DNAJB1: variants seen among roughly 807,000 people sequenced by gnomAD.
DNAJB1 encodes DnaJ heat shock protein family (Hsp40) member B1.
DNAJB1 carries 14 observed loss-of-function variants against 24.0 expected under a neutral mutation model. The observed-to-expected ratio is 0.58, with a 90% CI of 0.39 to 0.91. The LOEUF is 0.91. Ranked by LOEUF, DNAJB1 falls within the 40% of genes least tolerant of loss-of-function variation. The pLI is 0.00. For missense variants in DNAJB1, 517 were observed against 458.1 expected, an observed-to-expected ratio of 1.13 and a Z score of -1.17; for synonymous variants, 262 against 174.4, an observed-to-expected ratio of 1.50 and a Z score of -3.96.
At chr19:14,542,354 T>G (rs1174038972) in intron 1 of DNAJB1, among the ~76,000 whole-genome samples, 3 of 116,324 alleles carry the variant, frequency 2.6e-5, no homozygotes, top group African/African-American at 3.6e-5. Context: ...AGTGTTTTTT[T>G]TTTTTTTTTT....
At chr19:14,552,323 C>T (rs535168671), upstream of DNAJB1, among the ~76,000 whole-genome samples, 6 of 151,588 alleles carry the variant, frequency 4.0e-5, no homozygotes, top group African/African-American at 9.7e-5. Context: ...CGTGAGCCAC[C>T]GTGCCCGGCC....
intron 1 of DNAJB1, among the ~76,000 whole-genome samples, chr19:14,538,339 G>A (rs1002370097): frequency 3.9e-5 from 6 of 152,054 alleles, no homozygotes; most frequent in South Asian, 2.1e-4. Flanking sequence ...CACCCTGTGA[G>A]GCCAGGATAA....
intron 1 of DNAJB1, among the ~76,000 whole-genome samples, chr19:14,543,420 T>TATATATA (rs1491174243): frequency 1.8e-4 from 1 of 5,522 alleles, no homozygotes; most frequent in African/African-American, 5.0e-4. Context: ...TATATATATA[T>TATATATA]TTTTTTTTTT....
At chr19:14,521,105 G>A (rs1202016986), upstream of DNAJB1, among the ~76,000 whole-genome samples, 5 of 152,154 alleles carry the variant, frequency 3.3e-5, no homozygotes, top group Non-Finnish European at 1.5e-5. Context: ...AATTACAAGT[G>A]CAGCAGCCTC....
intron 1 of DNAJB1, among the ~76,000 whole-genome samples, chr19:14,546,896 G>C (rs1197283978): frequency 1.3e-5 from 2 of 152,136 alleles, no homozygotes; most frequent in Non-Finnish European, 2.9e-5. Context: ...CACTATGTTG[G>C]CCAGGCTGGT....
Position 14,516,027 on chromosome 19 carries a change from C to G in DNAJB1, c.936G>C (p.Gly312=). The stretch of plus-strand genomic sequence containing the variant: ...TCACTTCAAACTCAATAATGAGGTC[C>G]CCACGTTTCTCGGGTGTTTTGGGGA... The part of the protein sequence containing the change: ...LPLPKTPEKR[G]DLIIEFEVIF... Residue 312 remains glycine (G), a synonymous_variant, in exon 3 of 3, where the codon GGG becomes GGC. Coordinates refer to ENST00000254322, the MANE Select transcript of DNAJB1 (RefSeq NM_006145.3). The G allele has an allele frequency of 6.2e-7, 1 of 1,612,940 alleles. No homozygotes were observed. The highest frequency in any genetic ancestry group is 8.5e-7 in the Non-Finnish European group (1 of 1,179,606).
chr19:14,547,667 T>G (rs1400503032), intron 1 of DNAJB1, among the ~76,000 whole-genome samples: 2 of 151,392 alleles, frequency 1.3e-5, no homozygotes, highest in Non-Finnish European at 2.9e-5. Flanking sequence ...TAATATTTTT[T>G]TTTTTTTTTG....
chr19:14,545,783 C>T (rs986298148), intron 1 of DNAJB1: 1 of 153,246 alleles, frequency 6.5e-6, no homozygotes, highest in African/African-American at 2.4e-5. Flanking sequence ...AAGTACATCC[C>T]TGCTGTGCTT....
intron 1 of DNAJB1, among the ~76,000 whole-genome samples, chr19:14,546,155 A>T (rs1258441670): frequency 6.6e-6 from 1 of 152,100 alleles, no homozygotes; most frequent in Admixed American, 6.6e-5. Context: ...CTTTCAGAAA[A>T]ATCATGGGGG....
upstream of DNAJB1, among the ~76,000 whole-genome samples, chr19:14,550,925 G>A (rs1451640240): frequency 6.6e-6 from 1 of 151,910 alleles, no homozygotes. Flanking sequence ...GCCCACCTTG[G>A]CCTCCCAGAG....
At chr19:14,538,976 ATT>A (rs869186799) in intron 1 of DNAJB1, among the ~76,000 whole-genome samples, 21 of 132,888 alleles carry the variant, frequency 1.6e-4, no homozygotes, top group South Asian at 2.4e-4. Context: ...TGCAAGTCAC[ATT>A]TTTTTTTTTT....
intron 1 of DNAJB1, among the ~76,000 whole-genome samples, chr19:14,540,946 T>C (rs566049414): frequency 6.6e-6 from 1 of 152,216 alleles, no homozygotes; most frequent in East Asian, 1.9e-4. Flanking sequence ...GCCATTCTTT[T>C]GCCTCAGGCT....
intron 1 of DNAJB1, among the ~76,000 whole-genome samples, chr19:14,546,200 C>T (rs186047981): frequency 1.3e-5 from 2 of 152,216 alleles, no homozygotes; most frequent in South Asian, 2.1e-4. Context: ...GAAATCATTA[C>T]AGACATTTCC....
intron 1 of DNAJB1, among the ~76,000 whole-genome samples, chr19:14,557,115 TTA>T (rs1486175404): frequency 3.4e-4 from 1 of 2,914 alleles, no homozygotes; most frequent in Non-Finnish European, 1.9e-3. Flanking sequence ...TGGTCTAATC[TTA>T]TTTATTTATT....
chr19:14,553,477 C>T (rs965469376), upstream of DNAJB1, among the ~76,000 whole-genome samples: 1 of 152,124 alleles, frequency 6.6e-6, no homozygotes, highest in Non-Finnish European at 1.5e-5. Flanking sequence ...CCGGGTGCCA[C>T]TGAGAAACGA....
chr19:14,517,858 T>C (rs1400858766), intron 1 of DNAJB1: 1 of 325,110 alleles, frequency 3.1e-6, no homozygotes, highest in Non-Finnish European at 5.6e-6. Context: ...CCCACCCCCA[T>C]GCACCGCACC....
At chr19:14,527,907 T>C (rs1244213588) in intron 1 of DNAJB1, 1 of 152,252 alleles carries the variant, frequency 6.6e-6, no homozygotes, top group Non-Finnish European at 1.5e-5. Context: ...TCTTTTTTTT[T>C]TGAGACAGAA....
At chr19:14,537,892 C>CCCA (rs1197594451) in intron 1 of DNAJB1, among the ~76,000 whole-genome samples, 1 of 151,892 alleles carries the variant, frequency 6.6e-6, no homozygotes, top group African/African-American at 2.4e-5. Flanking sequence ...ATTACAGGTG[C>CCCA]CCACCACCAC....
At chr19:14,541,221 C>T (rs1422173691) in intron 1 of DNAJB1, among the ~76,000 whole-genome samples, 2 of 152,184 alleles carry the variant, frequency 1.3e-5, no homozygotes, top group Admixed American at 6.5e-5. Context: ...CAAGTGATCT[C>T]CTGCCTCAGC....
Sources: gnomAD v4.1 joint callset for allele counts (sites outside exome capture counted in the v4.1 genomes callset) on GRCh38, gnomAD v4.1.1 for gene constraint, MANE v1.5 for transcripts, NCBI Gene and HGNC (gene_info 2026-07-23, HGNC 2026-07-21) for gene names.